Variants in SIPA1L1 observed in about 807,000 individuals in gnomAD.
SIPA1L1 encodes signal induced proliferation associated 1 like 1.
Under a neutral mutation model 162.7 loss-of-function variants are expected in SIPA1L1, and 26 were observed. The observed-to-expected ratio is 0.16, with a 90% confidence interval of 0.12 to 0.22. The LOEUF (loss-of-function observed/expected upper bound fraction) is 0.22. Among genes scored for constraint, SIPA1L1 ranks in the 10% least tolerant of loss-of-function variants. The pLI, the probability that SIPA1L1 is intolerant of heterozygous loss-of-function variation, is 1.00. For synonymous variants in SIPA1L1, 829 were observed against 837.4 expected (o/e 0.99, Z 0.17); for missense variants, 1,874 against 2,241.0 (o/e 0.84, Z 3.31).
In SIPA1L1 at chr14:71,416,720, T is replaced by TACACACAC. The variant is rs3085177; in HGVS notation, c.-465+95564_-465+95571dup. On this transcript the variant is annotated intron_variant, in intron 2 of 23. Coordinates refer to ENST00000381232, the MANE Select transcript of SIPA1L1 (RefSeq NM_001386936.1). ...CTATACTCTAAAAGAAAGAAAAATC[T>TACACACAC]ACACACACACACACACACACACACA... Among the ~76,000 whole-genome samples the TACACACAC allele has an allele frequency of 7.6e-3, 1,127 of 147,826 alleles. 8 individuals carry two copies. Among genetic ancestry groups the TACACACAC allele is most frequent in the Non-Finnish European group, 0.012 (783 of 67,002 alleles).
intron 2 of SIPA1L1, among the ~76,000 whole-genome samples, chr14:71,424,268 C>T (rs1326086599): frequency 1.3e-5 from 2 of 151,992 alleles, no homozygotes; most frequent in African/African-American, 4.8e-5. Flanking sequence ...TTTTATTTCT[C>T]TTTCTTGCCT....
chr14:71,352,693 G>A (rs1021240229), intron 2 of SIPA1L1, among the ~76,000 whole-genome samples: 2 of 152,114 alleles, frequency 1.3e-5, no homozygotes, highest in Non-Finnish European at 2.9e-5. Flanking sequence ...TTTCTTTTTA[G>A]TGATGCCATC....
chr14:71,349,118 G>A (rs2036454947), intron 2 of SIPA1L1, among the ~76,000 whole-genome samples: 1 of 152,222 alleles, frequency 6.6e-6, no homozygotes, highest in Admixed American at 6.5e-5. Flanking sequence ...TTTCAGAAAT[G>A]AAGACTCAAA....
chr14:71,666,925 C>G (rs536919541), intron 10 of SIPA1L1, among the ~76,000 whole-genome samples: 95 of 149,886 alleles, frequency 6.3e-4, no homozygotes, highest in African/African-American at 2.3e-3. Flanking sequence ...GAAGAAAAAT[C>G]CAAGTAGGTC....
intron 2 of SIPA1L1, among the ~76,000 whole-genome samples, chr14:71,343,457 G>A (rs1024828806): frequency 6.6e-6 from 1 of 152,120 alleles, no homozygotes; most frequent in Non-Finnish European, 1.5e-5. Context: ...GGAGATGAAG[G>A]AAATAATTTA....
At chr14:71,321,734 A>G (rs1042404664) in intron 2 of SIPA1L1, 2 of 152,244 alleles carry the variant, frequency 1.3e-5, no homozygotes, top group Admixed American at 6.5e-5. Flanking sequence ...GTGCCGCAAA[A>G]AGAACTTTTC....
intron 7 of SIPA1L1, among the ~76,000 whole-genome samples, chr14:71,624,668 G>A (rs1261405317): frequency 6.6e-6 from 1 of 152,072 alleles, no homozygotes; most frequent in Non-Finnish European, 1.5e-5. Flanking sequence ...TGTGAGAAAG[G>A]TACTATTATT....
intron 5 of SIPA1L1, among the ~76,000 whole-genome samples, chr14:71,607,658 G>A (rs1263819961): frequency 2.0e-5 from 3 of 152,158 alleles, no homozygotes; most frequent in Non-Finnish European, 4.4e-5. Flanking sequence ...CCCTCCCTTT[G>A]CTTTCAGGGG....
chr14:71,632,584 C>T (rs796385894), intron 7 of SIPA1L1, among the ~76,000 whole-genome samples: 16 of 152,250 alleles, frequency 1.1e-4, no homozygotes, highest in African/African-American at 3.9e-4. Flanking sequence ...CCCTCCAGCT[C>T]CCCACTGTGT....
chr14:71,341,919 C>G (rs759460246), intron 2 of SIPA1L1, among the ~76,000 whole-genome samples: 2 of 152,082 alleles, frequency 1.3e-5, no homozygotes, highest in South Asian at 4.1e-4. Flanking sequence ...ATGAACACCT[C>G]CTTTGATTCC....
intron 17 of SIPA1L1, among the ~76,000 whole-genome samples, chr14:71,714,945 C>T (rs920914517): frequency 6.6e-6 from 1 of 152,168 alleles, no homozygotes; most frequent in Non-Finnish European, 1.5e-5. Flanking sequence ...TATTTAATTC[C>T]ATTCCTCTAG....
At chr14:71,534,203 A>C (rs1233379017) in intron 4 of SIPA1L1, among the ~76,000 whole-genome samples, 2 of 152,234 alleles carry the variant, frequency 1.3e-5, no homozygotes, top group African/African-American at 4.8e-5. Flanking sequence ...ATTGTAAGCC[A>C]AGAGACCATG....
chr14:71,444,358 T>C (rs1423016441), intron 2 of SIPA1L1, among the ~76,000 whole-genome samples: 2 of 152,190 alleles, frequency 1.3e-5, no homozygotes, highest in African/African-American at 4.8e-5. Flanking sequence ...CAAATTAGCA[T>C]TCACTCTCAA....
intron 2 of SIPA1L1, among the ~76,000 whole-genome samples, chr14:71,440,579 G>A (rs2044758039): frequency 1.4e-5 from 2 of 145,674 alleles, no homozygotes; most frequent in African/African-American, 5.1e-5. Context: ...AGCCTGGGAG[G>A]TCGAGGCTGC....
At chr14:71,500,438 T>C (rs118019159) in intron 2 of SIPA1L1, among the ~76,000 whole-genome samples, 5,224 of 152,234 alleles carry the variant, frequency 0.034, 131 homozygotes, top group South Asian at 0.077. Flanking sequence ...AAAGCCACAG[T>C]TGTATTATTA....
At chr14:71,485,618 C>G (rs191315902) in intron 2 of SIPA1L1, among the ~76,000 whole-genome samples, 2 of 152,020 alleles carry the variant, frequency 1.3e-5, no homozygotes, top group African/African-American at 4.8e-5. Context: ...CCCACTGACT[C>G]TACATTGTGG....
chr14:71,458,664 G>C (rs1176669049), intron 2 of SIPA1L1, among the ~76,000 whole-genome samples: 1 of 152,206 alleles, frequency 6.6e-6, no homozygotes, highest in South Asian at 2.1e-4. Context: ...GTATTATGGG[G>C]CTTTACATAT....
At chr14:71,488,430 A>G (rs1266091585) in intron 2 of SIPA1L1, among the ~76,000 whole-genome samples, 1 of 152,214 alleles carries the variant, frequency 6.6e-6, no homozygotes, top group Non-Finnish European at 1.5e-5. Flanking sequence ...TGGATAGGAC[A>G]TAATTTCCCA....
At chr14:71,484,221 T>C (rs1400842283) in intron 2 of SIPA1L1, among the ~76,000 whole-genome samples, 1 of 151,826 alleles carries the variant, frequency 6.6e-6, no homozygotes, top group Non-Finnish European at 1.5e-5. Context: ...TGCTTAGAAG[T>C]CACTCTGCCT....
Sources: allele counts gnomAD v4.1 joint callset (sites outside exome capture counted in the v4.1 genomes callset), GRCh38; gene constraint gnomAD v4.1.1; transcripts MANE v1.5; gene names NCBI Gene and HGNC (gene_info 2026-07-23, HGNC 2026-07-21).